SGF29: variants seen among roughly 807,000 people sequenced by gnomAD.
SGF29 encodes SAGA complex associated factor 29.
In SGF29, 15 loss-of-function variants were observed where a neutral mutation model predicts 38.1. That is an observed-to-expected ratio of 0.39 (90% CI 0.26 to 0.61). SGF29 has a LOEUF of 0.61. Among genes scored for constraint, SGF29 ranks in the 20% least tolerant of loss-of-function variants. The pLI, the probability that SGF29 is intolerant of heterozygous loss-of-function variation, is 0.49. For missense variants in SGF29, 184 were observed against 394.6 expected (o/e 0.47, Z 4.52); for synonymous variants, 151 against 160.8 (o/e 0.94, Z 0.46).
intron 1 of SGF29, among the ~76,000 whole-genome samples, chr16:28,556,074 G>A (rs903405068): frequency 6.6e-6 from 1 of 152,148 alleles, no homozygotes; most frequent in Admixed American, 6.6e-5. Flanking sequence ...AGGTTTAAAT[G>A]AGAAACACTG....
At chr16:28,577,144 G>A (rs896947928) in intron 1 of SGF29, among the ~76,000 whole-genome samples, 3 of 151,914 alleles carry the variant, frequency 2.0e-5, no homozygotes, top group East Asian at 1.9e-4. Flanking sequence ...CTCCAGCCTC[G>A]GTGACACAGC....
intron 1 of SGF29, among the ~76,000 whole-genome samples, chr16:28,577,356 A>C (rs1264195774): frequency 2.0e-5 from 3 of 151,926 alleles, no homozygotes; most frequent in Non-Finnish European, 2.9e-5. Flanking sequence ...TGGCCAAAAA[A>C]AAAAAACAAA....
chr16:28,561,041 AAG>A (rs1319331415), intron 1 of SGF29, among the ~76,000 whole-genome samples: 2 of 152,112 alleles, frequency 1.3e-5, no homozygotes, highest in African/African-American at 2.4e-5. Flanking sequence ...AGAATTCTAA[AAG>A]AGAATCAAAA....
In SGF29 at chr16:28,589,116, C is replaced by T. The variant is rs1389770777; in HGVS notation, c.241C>T (p.Leu81=). ...EAECNILRKA[L]DKIAEIKSLL... is the part of the protein sequence containing the mutation. Reference sequence around the variant, plus strand: ...CGCCCTCAGCATCCTTCGGAAAGCTCTGGACAAGATCGCGGAAATCAAGTC... The same window carrying T: ...CGCCCTCAGCATCCTTCGGAAAGCTTTGGACAAGATCGCGGAAATCAAGTC... The change falls in exon 5 of 10, where the codon CTG becomes TTG. Residue 81 remains leucine, a synonymous_variant. Coordinates refer to ENST00000317058, the MANE Select transcript of SGF29 (RefSeq NM_138414.3). 1 of 1,614,182 alleles carries T rather than the reference C, an allele frequency of 6.2e-7. No homozygotes were observed. Among genetic ancestry groups the T allele is most frequent in the Non-Finnish European group, 8.5e-7 (1 of 1,179,990 alleles).
chr16:28,582,788 A>C (rs1183954801), intron 2 of SGF29, among the ~76,000 whole-genome samples: 2 of 152,028 alleles, frequency 1.3e-5, no homozygotes, highest in East Asian at 1.9e-4. Context: ...ACTAAAAATT[A>C]GCCGGGCGTG....
At chr16:28,588,373 T>C (rs1291695692) in intron 4 of SGF29, among the ~76,000 whole-genome samples, 2 of 152,136 alleles carry the variant, frequency 1.3e-5, no homozygotes, top group African/African-American at 4.8e-5. Flanking sequence ...TGTGTGACCC[T>C]CGGGCAGACC....
intron 2 of SGF29, among the ~76,000 whole-genome samples, chr16:28,583,038 C>T (rs1196828221): frequency 6.6e-6 from 1 of 152,250 alleles, no homozygotes; most frequent in African/African-American, 2.4e-5. Context: ...ACCAGGGTGT[C>T]CCTCAGACAG....
At chr16:28,562,660 A>C (rs914138907) in intron 1 of SGF29, among the ~76,000 whole-genome samples, 2 of 152,026 alleles carry the variant, frequency 1.3e-5, no homozygotes, top group African/African-American at 2.4e-5. Context: ...CCAGCACTTT[A>C]AGGAGGCTGA....
Position 28,590,277 on chromosome 16 carries a change from C to G in SGF29, c.420-19C>G. 1 of 1,608,404 alleles carries G rather than the reference C, an allele frequency of 6.2e-7. No individual in the cohort carries two copies. The highest frequency in any genetic ancestry group is 8.5e-7 in the Non-Finnish European group (1 of 1,177,672). Reference sequence around the variant, plus strand: ...GCTGGTGCCCAGGGGCTGGGACTGACCCTTTGTTCCACTCACAGGCCCCCA... The same window carrying G: ...GCTGGTGCCCAGGGGCTGGGACTGAGCCTTTGTTCCACTCACAGGCCCCCA... On this transcript the variant is annotated intron_variant, in intron 6 of 9. Coordinates refer to ENST00000317058, the MANE Select transcript of SGF29 (RefSeq NM_138414.3). This position sits in a 1 kb window ranked among gnomAD's most constrained non-coding sequence, Gnocchi z 8.2.
rs2046986705 is a variant in SGF29, at chr16:28,590,999, G to C, written c.765+64G>C. The C allele has an allele frequency of 6.7e-7, 1 of 1,501,708 alleles. No homozygotes were observed. Among genetic ancestry groups the C allele is most frequent in the African/African-American group, 1.4e-5 (1 of 71,904 alleles). 93.0% of individuals were successfully genotyped at this position (1,501,708 alleles called of 1,614,324 possible). Reference sequence around the variant, plus strand: ...AGGAACAGGCTGATCAGACAGACGAGGGGTCCTCTCCCCACTCCTTCCCTT... The same window carrying C: ...AGGAACAGGCTGATCAGACAGACGACGGGTCCTCTCCCCACTCCTTCCCTT... On this transcript the variant is annotated intron_variant, in intron 9 of 9. Transcript: ENST00000317058. This position sits in a 1 kb window ranked among gnomAD's most constrained non-coding sequence, Gnocchi z 8.2.
chr16:28,555,293 G>A (rs945791198), intron 1 of SGF29, among the ~76,000 whole-genome samples: 3 of 150,756 alleles, frequency 2.0e-5, no homozygotes, highest in Admixed American at 6.6e-5. Flanking sequence ...GTGAAATCCA[G>A]TCTCTTCTAA....
intron 3 of SGF29, 81 bp downstream of exon 3, chr16:28,585,069 T>C (rs2046949233): frequency 2.8e-6 from 3 of 1,090,740 alleles, no homozygotes; most frequent in Non-Finnish European, 4.1e-6. Context: ...GAGGTGGTCA[T>C]TGTATTCAAA....
At chr16:28,573,227 G>C (rs774075507) in intron 1 of SGF29, among the ~76,000 whole-genome samples, 14 of 152,240 alleles carry the variant, frequency 9.2e-5, no homozygotes, top group South Asian at 2.1e-4. Flanking sequence ...GACCTGGGGG[G>C]GTGTAAGAGA....
chr16:28,586,454 C>T (rs1322117976), intron 4 of SGF29, among the ~76,000 whole-genome samples: 1 of 150,632 alleles, frequency 6.6e-6, no homozygotes, highest in African/African-American at 2.4e-5. Context: ...TTGCAGTGAG[C>T]TAAGATCGTG....
At chr16:28,585,287 C>T (rs533538702) in intron 3 of SGF29, 8 of 510,036 alleles carry the variant, frequency 1.6e-5, no homozygotes, top group Non-Finnish European at 2.1e-5. Context: ...TCCCAGGCGG[C>T]CCCTGCATCT....
At chr16:28,573,991 G>A (rs558281460) in intron 1 of SGF29, among the ~76,000 whole-genome samples, 1 of 152,294 alleles carries the variant, frequency 6.6e-6, no homozygotes, top group South Asian at 2.1e-4. Context: ...TCAGGTGCGG[G>A]CATGTGCAAG....
At chr16:28,571,312 G>C (rs1406207496) in intron 1 of SGF29, among the ~76,000 whole-genome samples, 1 of 152,062 alleles carries the variant, frequency 6.6e-6, no homozygotes. Context: ...TTCTGTTGTT[G>C]GCCAGGCATG....
rs1491038650 is a variant in SGF29 at position 28,563,714 on chromosome 16, A to ACTT, written c.-16+9618_-16+9620dup. 1.7e-3 allele frequency among the ~76,000 whole-genome samples: 205 copies of ACTT among 117,150 alleles called. 2 individuals carry two copies. Among genetic ancestry groups the ACTT allele is most frequent in the African/African-American group, 5.8e-3 (198 of 33,918 alleles). The allele number at this position is 117,150 out of a possible 152,430, so 76.9% of individuals were successfully genotyped here. A position where few individuals can be genotyped will look rare whatever the true frequency, so the allele number is the denominator to read the frequency against. On this transcript the variant is annotated intron_variant, in intron 1 of 9. Coordinates refer to ENST00000317058, the MANE Select transcript of SGF29 (RefSeq NM_138414.3). ...TGTGTGTGTTTTTCTAGAGAAACAG[A>ACTT]CTTTTTTTTTTTTTTTTTTTTTTTG...
intron 1 of SGF29, among the ~76,000 whole-genome samples, chr16:28,574,900 T>C (rs1374373937): frequency 2.6e-5 from 4 of 152,214 alleles, no homozygotes; most frequent in African/African-American, 7.2e-5. Context: ...TTTTAACTAA[T>C]GCAACTAGGG....
Sources: gnomAD v4.1 joint callset for allele counts (sites outside exome capture counted in the v4.1 genomes callset) on GRCh38, gnomAD v4.1.1 for gene constraint, Gnocchi (gnomAD v3.1) non-coding constraint, MANE v1.5 for transcripts, NCBI Gene and HGNC (gene_info 2026-07-23, HGNC 2026-07-21) for gene names.